DNAJC9: variants seen among roughly 807,000 people sequenced by gnomAD.
DNAJC9 encodes the protein DnaJ heat shock protein family (Hsp40) member C9.
Under a neutral mutation model 32.4 loss-of-function variants are expected in DNAJC9, and 18 were observed. That is an observed-to-expected ratio of 0.56 (90% CI 0.38 to 0.82). The LOEUF is 0.82. DNAJC9 is among the 40% of genes least tolerant of loss of function. The probability of loss-of-function intolerance (pLI) is 0.00; values close to 1 mark genes in which losing one functional copy is unlikely to be tolerated. For synonymous variants in DNAJC9, 113 were observed against 122.1 expected (o/e 0.93, Z 0.49); for missense variants, 310 against 321.8 (o/e 0.96, Z 0.28).
downstream of DNAJC9, among the ~76,000 whole-genome samples, chr10:73,240,107 A>G (rs1307684357): frequency 6.6e-6 from 1 of 152,158 alleles, no homozygotes; most frequent in African/African-American, 2.4e-5. Flanking sequence ...TTTTGTAGAG[A>G]CAGGGTCTTG....
At chr10:73,246,266 T>C in intron 2 of DNAJC9, 90 bp from the exon 3 acceptor site, 1 of 1,363,424 alleles carries the variant, frequency 7.3e-7, no homozygotes, top group Non-Finnish European at 1.0e-6. Context: ...GTTGAATTGC[T>C]GCAATACAAC....
chr10:73,246,743 G>A lies in DNAJC9; in HGVS notation c.266C>T (p.Pro89Leu), dbSNP rs1554866544. 4.3e-6 allele frequency: 7 copies of A among 1,614,086 alleles called. No individual in the cohort carries two copies. Among genetic ancestry groups the A allele is most frequent in the Non-Finnish European group, 5.9e-6 (7 of 1,179,960 alleles). ...DEQGTVDEDS[P>L]VLTQDRDWEA... is the part of the protein sequence containing the mutation. ...CCAGTCTCGGTCTTGGGTGAGCACA[G>A]GAGAGTCCTCGTCCACTGTTCCCTG... The change falls in exon 2 of 5, where the codon CCT becomes CTT. Residue 89 changes from proline to leucine, a missense_variant. By Grantham distance (98) the Pro-to-Leu change is moderately conservative. Transcript: ENST00000372950.
downstream of DNAJC9, among the ~76,000 whole-genome samples, chr10:73,236,980 C>G (rs2043837327): frequency 6.6e-6 from 1 of 152,166 alleles, no homozygotes; most frequent in African/African-American, 2.4e-5. Flanking sequence ...TCCCAAAGTG[C>G]TGGGACTACA....
At chr10:73,234,747 C>T, downstream of DNAJC9, 1 of 1,492,580 alleles carries the variant, frequency 6.7e-7, no homozygotes, top group South Asian at 1.3e-5. Flanking sequence ...TATCTGATTT[C>T]TAATCAATTT....
downstream of DNAJC9, among the ~76,000 whole-genome samples, chr10:73,240,148 T>C (rs2043908843): frequency 6.6e-6 from 1 of 152,210 alleles, no homozygotes; most frequent in Non-Finnish European, 1.5e-5. Flanking sequence ...GATGTCTTAA[T>C]TCTTCCTGTG....
chr10:73,233,156 GC>G, intron 2 of DNAJC9: 1 of 1,549,816 alleles, frequency 6.5e-7, no homozygotes, highest in East Asian at 2.4e-5. Flanking sequence ...CCTCAGAGGA[GC>G]CCGAGTGTAG....
chr10:73,233,094 C>G (rs567292300), intron 2 of DNAJC9: 2 of 1,551,658 alleles, frequency 1.3e-6, no homozygotes, highest in Non-Finnish European at 1.7e-6. Context: ...ACTCTTCATC[C>G]GATCAGCACG....
At chr10:73,240,491 T>A (rs1366691434), downstream of DNAJC9, among the ~76,000 whole-genome samples, 1 of 152,122 alleles carries the variant, frequency 6.6e-6, no homozygotes, top group Non-Finnish European at 1.5e-5. Context: ...GGCGGGCGGA[T>A]CACGAGGTCA....
rs1208945583 is a variant in DNAJC9 at position 73,243,424 on chromosome 10, A to G, written c.759T>C (p.Ser253=). 3.1e-6 allele frequency: 5 copies of G among 1,613,842 alleles called. No individual in the cohort carries two copies. In the African/African-American group the frequency reaches 4.0e-5, roughly 13 times the overall value. ...CKSSKGGGKK[S]ALKKEKK ...ATTATTTCTTTTCTTTCTTGAGAGC[A>G]GATTTTTTCCCTCCTCCTTTGGAAG... The change falls in exon 5 of 5, where the codon TCT becomes TCC. Residue 253 remains serine (S), a synonymous_variant. Transcript: ENST00000372950.
At chr10:73,241,847 C>G (rs1451685291), downstream of DNAJC9, 1 of 152,168 alleles carries the variant, frequency 6.6e-6, no homozygotes, top group Non-Finnish European at 1.5e-5. Flanking sequence ...TTAAGAAACC[C>G]TGGCAATTAA....
intron 3 of DNAJC9, chr10:73,244,191 CATG>C: frequency 2.3e-6 from 1 of 434,648 alleles, no homozygotes. Context: ...TCATAAATCA[CATG>C]ATGATAAAAA....
Position 73,246,578 on chromosome 10 carries a change from T to G in DNAJC9, c.321+110A>C, listed in dbSNP as rs532277771. On this transcript the variant is annotated intron_variant, in intron 2 of 4. Transcript: ENST00000372950. ...TGTATTTCAAGGCCAAACTCAAAAT[T>G]CCTAATTCCTACAAAATTAACACAA... The G allele has an allele frequency of 3.1e-5, 41 of 1,312,724 alleles. No homozygotes were observed. In the East Asian group the frequency reaches 9.3e-4, roughly 30 times the overall value. The allele number at this position is 1,312,724 out of a possible 1,614,324, so 81.3% of individuals were successfully genotyped here.
chr10:73,236,272 G>A (rs1230906393), downstream of DNAJC9, among the ~76,000 whole-genome samples: 1 of 152,154 alleles, frequency 6.6e-6, no homozygotes, highest in Admixed American at 6.6e-5. Flanking sequence ...GAGGCGAGAA[G>A]TTCAAAATCA....
chr10:73,241,535 A>G (rs1234913133), downstream of DNAJC9: 1 of 157,376 alleles, frequency 6.4e-6, no homozygotes. Context: ...CTACCCTATC[A>G]GCAGATTAAA....
downstream of DNAJC9, among the ~76,000 whole-genome samples, chr10:73,236,707 C>T (rs1268326019): frequency 6.7e-6 from 1 of 150,170 alleles, no homozygotes; most frequent in East Asian, 2.0e-4. Context: ...CCACTGTACC[C>T]GGCCTTTTTT....
At chr10:73,246,207 G>A (rs778683425) in intron 2 of DNAJC9, 31 bp from the exon 3 acceptor site, 2 of 1,584,268 alleles carry the variant, frequency 1.3e-6, no homozygotes, top group Non-Finnish European at 1.7e-6. Flanking sequence ...CTTTAACTTT[G>A]GGAATTTTAC....
chr10:73,244,213 AGGCCGGGTATGGT>A (rs1400608456), intron 3 of DNAJC9: 2 of 375,352 alleles, frequency 5.3e-6, no homozygotes, highest in Non-Finnish European at 4.8e-6. Context: ...AAGGAACATG[AGGCCGGGTATGGT>A]GGCTCACAAC....
At chr10:73,245,840 T>C in intron 3 of DNAJC9, 82 bp downstream of exon 3, 1 of 1,536,232 alleles carries the variant, frequency 6.5e-7, no homozygotes, top group African/African-American at 1.4e-5. Context: ...TGGAGTTTTA[T>C]GTTTACTTCT....
Position 73,242,902 on chromosome 10 carries a change from C to T in DNAJC9, c.*498G>A, listed in dbSNP as rs2043969898. 1 of 154,240 alleles carries T rather than the reference C, an allele frequency of 6.5e-6. No individual in the cohort carries two copies. The allele number at this position is 154,240 out of a possible 1,614,324, so 9.6% of individuals were successfully genotyped here. A position where few individuals can be genotyped will look rare whatever the true frequency, so the allele number is the denominator to read the frequency against. ...TGCTTGAAGTAATTTAACACCTGTA[C>T]ATCAGTACAAAACCTGGCTGAGTAA... is the stretch of plus-strand genomic sequence containing the variant. On this transcript the variant is annotated 3_prime_UTR_variant, in exon 5 of 5. Transcript: ENST00000372950.
Sources: allele counts gnomAD v4.1 joint callset (sites outside exome capture counted in the v4.1 genomes callset), GRCh38; gene constraint gnomAD v4.1.1; transcripts MANE v1.5; gene names NCBI Gene and HGNC (gene_info 2026-07-23, HGNC 2026-07-21).